The following WDPCP variants were observed in gnomAD, a reference collection of about 807,000 sequenced individuals.
The protein encoded by WDPCP is WD repeat containing planar cell polarity effector.
In WDPCP, 71 loss-of-function variants were observed where a neutral mutation model predicts 93.1. That is an observed-to-expected ratio of 0.76 (90% CI 0.63 to 0.93). The LOEUF (loss-of-function observed/expected upper bound fraction) is 0.93. Ranked by LOEUF, WDPCP falls within the 40% of genes least tolerant of loss-of-function variation. The pLI is 0.00. For synonymous variants in WDPCP, 315 were observed against 315.0 expected (o/e 1.00, Z 0.00); for missense variants, 844 against 887.4 (o/e 0.95, Z 0.62).
intron 6 of WDPCP, among the ~76,000 whole-genome samples, chr2:63,465,201 CAT>C (rs1699269401): frequency 1.3e-5 from 2 of 151,964 alleles, no homozygotes; most frequent in Non-Finnish European, 1.5e-5. Context: ...CTAAGTATTT[CAT>C]ATGTGTTAAC....
intron 3 of WDPCP, among the ~76,000 whole-genome samples, chr2:63,623,143 A>AT (rs769452700): frequency 7.2e-5 from 11 of 152,182 alleles, no homozygotes; most frequent in African/African-American, 1.2e-4. Context: ...ATGCTGAGAG[A>AT]TTTTTTCACC....
intron 12 of WDPCP, among the ~76,000 whole-genome samples, chr2:63,331,956 A>G (rs769186345): frequency 6.6e-6 from 1 of 151,974 alleles, no homozygotes; most frequent in Non-Finnish European, 1.5e-5. Flanking sequence ...CAGTTTGTTT[A>G]TACATTTACC....
At chr2:63,756,356 A>AG (rs1362141200) in intron 2 of WDPCP, among the ~76,000 whole-genome samples, 1 of 152,222 alleles carries the variant, frequency 6.6e-6, no homozygotes, top group East Asian at 1.9e-4. Context: ...AATTTAAGAA[A>AG]GCAATAGCCT....
intron 6 of WDPCP, among the ~76,000 whole-genome samples, chr2:63,470,963 A>G (rs1351915512): frequency 6.6e-6 from 1 of 151,920 alleles, no homozygotes; most frequent in African/African-American, 2.4e-5. Flanking sequence ...CACTTCCTTC[A>G]TATCTTAATC....
At chr2:63,374,711 A>G (rs1313258607) in intron 12 of WDPCP, among the ~76,000 whole-genome samples, 1 of 152,148 alleles carries the variant, frequency 6.6e-6, no homozygotes, top group Non-Finnish European at 1.5e-5. Flanking sequence ...TATTGACTCC[A>G]GTATATTATC....
At chr2:63,497,620 A>G (rs1028301153) in intron 1 of WDPCP, among the ~76,000 whole-genome samples, 1 of 152,182 alleles carries the variant, frequency 6.6e-6, no homozygotes, top group African/African-American at 2.4e-5. Context: ...CCAAATCAAC[A>G]TCCTTTTTAG....
chr2:63,572,399 A>G (rs1426289779), intron 1 of WDPCP, among the ~76,000 whole-genome samples: 1 of 152,068 alleles, frequency 6.6e-6, no homozygotes, highest in Non-Finnish European at 1.5e-5. Flanking sequence ...ATATGTTGTT[A>G]TTAATTATAA....
At chr2:63,494,057 T>C (rs1701056184) in intron 1 of WDPCP, among the ~76,000 whole-genome samples, 1 of 152,190 alleles carries the variant, frequency 6.6e-6, no homozygotes, top group Non-Finnish European at 1.5e-5. Flanking sequence ...CCTTCATCCT[T>C]ACATTTATTT....
intron 3 of WDPCP, chr2:63,606,774 T>A: frequency 1.1e-6 from 1 of 914,300 alleles, no homozygotes. Context: ...TAAAACGATA[T>A]ACCTCTAAAT....
At position 63,437,633 on chromosome 2, in the gene WDPCP, AT is replaced by A. The variant is rs573581919; in HGVS notation, c.500-80del. 5.7e-4 allele frequency: 740 copies of A among 1,308,728 alleles called. 3 individuals carry two copies. In the African/African-American group the frequency reaches 8.0e-3, roughly 14 times the overall value. The allele number at this position is 1,308,728 out of a possible 1,614,324, so 81.1% of individuals were successfully genotyped here. A position where few individuals can be genotyped will look rare whatever the true frequency, so the allele number is the denominator to read the frequency against. Reference sequence around the variant, plus strand: ...TTCCACTGATATGTTACAAAAAGCTATTTTCAAACATACATATTAACTGAAA... The same window carrying A: ...TTCCACTGATATGTTACAAAAAGCTATTTCAAACATACATATTAACTGAAA... On this transcript the variant is annotated intron_variant, in intron 7 of 17. Coordinates refer to ENST00000272321, the MANE Select transcript of WDPCP (RefSeq NM_015910.7).
intron 1 of WDPCP, among the ~76,000 whole-genome samples, chr2:63,494,873 T>A (rs2105965558): frequency 7.3e-6 from 1 of 136,862 alleles, no homozygotes; most frequent in East Asian, 2.2e-4. Flanking sequence ...TGAGCCGAGA[T>A]CGCGCCACTG....
chr2:63,400,627 C>A (rs2138794), intron 10 of WDPCP, among the ~76,000 whole-genome samples: 63,217 of 151,942 alleles, frequency 0.42, 13,404 homozygotes, highest in Non-Finnish European at 0.43. Flanking sequence ...TCTTCACAGA[C>A]TTAGAAAAAA....
intron 2 of WDPCP, among the ~76,000 whole-genome samples, chr2:63,755,439 G>A (rs998397958): frequency 6.6e-6 from 1 of 152,218 alleles, no homozygotes; most frequent in Admixed American, 6.5e-5. Flanking sequence ...TATTACAGTG[G>A]AAGGAGGAGG....
At chr2:63,376,647 T>C (rs1691877210) in intron 12 of WDPCP, among the ~76,000 whole-genome samples, 1 of 151,856 alleles carries the variant, frequency 6.6e-6, no homozygotes, top group South Asian at 2.1e-4. Context: ...GAAACAAATA[T>C]TAGCAATAAG....
chr2:63,344,473 A>T (rs1384165213), intron 12 of WDPCP, among the ~76,000 whole-genome samples: 1 of 152,170 alleles, frequency 6.6e-6, no homozygotes, highest in African/African-American at 2.4e-5. Context: ...CCCAGGGTGC[A>T]TCTCATTATT....
intron 2 of WDPCP, among the ~76,000 whole-genome samples, chr2:63,809,461 G>C (rs1670828456): frequency 6.6e-6 from 1 of 152,272 alleles, no homozygotes. Context: ...CGGTTTTGTG[G>C]AATACAAAGG....
intron 2 of WDPCP, among the ~76,000 whole-genome samples, chr2:63,687,373 C>A (rs1227956944): frequency 6.6e-6 from 1 of 152,154 alleles, no homozygotes; most frequent in African/African-American, 2.4e-5. Flanking sequence ...GCAATGGAAG[C>A]AATCAACAAA....
At chr2:63,839,473 G>A in the WDPCP span, among the ~76,000 whole-genome samples, 1 of 152,204 alleles carries the variant, frequency 6.6e-6, no homozygotes, top group African/African-American at 2.4e-5. Flanking sequence ...CAGGAGAATC[G>A]CTTGAACCCG....
chr2:63,673,044 C>T (rs1710363223), intron 2 of WDPCP, among the ~76,000 whole-genome samples: 2 of 152,162 alleles, frequency 1.3e-5, no homozygotes, highest in Non-Finnish European at 1.5e-5. Flanking sequence ...TGAGCCATTG[C>T]TCTTGGCCCA....
Sources: gnomAD v4.1 joint callset for allele counts (sites outside exome capture counted in the v4.1 genomes callset) on GRCh38, gnomAD v4.1.1 for gene constraint, MANE v1.5 for transcripts, NCBI Gene and HGNC (gene_info 2026-07-23, HGNC 2026-07-21) for gene names.